Variants in VWA3A observed in about 807,000 individuals in gnomAD.
The protein encoded by VWA3A is von Willebrand factor A domain-containing protein 3A.
VWA3A carries 134 observed loss-of-function variants against 160.4 expected under a neutral mutation model. That is an observed-to-expected ratio of 0.84 (90% CI 0.73 to 0.96). The LOEUF (loss-of-function observed/expected upper bound fraction) is 0.96. Ranked by LOEUF, VWA3A falls within the 40% of genes least tolerant of loss-of-function variation. The probability of loss-of-function intolerance (pLI) is 0.00; values close to 1 mark genes in which losing one functional copy is unlikely to be tolerated. For synonymous variants in VWA3A, 476 were observed against 543.4 expected (o/e 0.88, Z 1.72); for missense variants, 1,310 against 1,447.9 (o/e 0.90, Z 1.55).
In VWA3A at chr16:22,119,038, C is replaced by G; in HGVS notation, c.1116+11C>G. On this transcript the variant is annotated intron_variant, in intron 12 of 33. Coordinates refer to ENST00000389398, the MANE Select transcript of VWA3A (RefSeq NM_173615.5). ...TGCACCATGGAGGAGGTAGGTGGTG[C>G]GAGTGTCAATTCTGGGGCCTTCTCC... 6.2e-7 allele frequency: 1 copy of G among 1,600,392 alleles called. No homozygotes were observed. The highest frequency in any genetic ancestry group is 8.5e-7 in the Non-Finnish European group (1 of 1,173,472).
At chr16:22,107,202 C>T (rs2045494499) in intron 6 of VWA3A, among the ~76,000 whole-genome samples, 1 of 152,176 alleles carries the variant, frequency 6.6e-6, no homozygotes, top group African/African-American at 2.4e-5. Flanking sequence ...TGGTTCTCCA[C>T]CAGGGGTGAT....
At chr16:22,155,752 A>G in intron 32 of VWA3A, 88 bp downstream of exon 32, 1 of 1,600,736 alleles carries the variant, frequency 6.2e-7, no homozygotes. Context: ...CGCACCCATG[A>G]TGGTACCCTT....
intron 4 of VWA3A, 49 bp downstream of exon 4, chr16:22,100,367 G>GCAAC (rs2045389915): frequency 6.4e-7 from 1 of 1,551,518 alleles, no homozygotes; most frequent in African/African-American, 1.4e-5. Flanking sequence ...AGTGACACAT[G>GCAAC]CAACCCCCTG....
Position 22,149,950 on chromosome 16 carries a change from C to G in VWA3A, c.3129+19C>G, listed in dbSNP as rs1368470179. On this transcript the variant is annotated intron_variant, in intron 29 of 33. Transcript: ENST00000389398. Reference sequence around the variant, plus strand: ...ATTGCTGGCAAGTCCCACCACGGAGCCCGACCTTGACGCAAAACAAATACC... The same window carrying G: ...ATTGCTGGCAAGTCCCACCACGGAGGCCGACCTTGACGCAAAACAAATACC... The G allele has an allele frequency of 4.4e-6, 7 of 1,589,598 alleles. 1 individual carries two copies. The South Asian group carries it at 7.9e-5, about 18-fold the overall frequency.
intron 6 of VWA3A, among the ~76,000 whole-genome samples, chr16:22,106,245 C>T (rs1598050226): frequency 6.6e-6 from 1 of 151,842 alleles, no homozygotes; most frequent in South Asian, 2.1e-4. Context: ...ATTAGCCAGG[C>T]GTGGTGATGG....
At position 22,156,069 on chromosome 16, in the gene VWA3A, C is replaced by T; in HGVS notation, c.*52C>T. 1 of 805,208 alleles carries T rather than the reference C, an allele frequency of 1.2e-6. No homozygotes were observed. Among genetic ancestry groups the T allele is most frequent in the South Asian group, 1.8e-5 (1 of 54,772 alleles). 49.9% of individuals were successfully genotyped at this position (805,208 alleles called of 1,614,324 possible). A position where few individuals can be genotyped will look rare whatever the true frequency, so the allele number is the denominator to read the frequency against. ...GCAAAGGACCACTCACTGAGCAAAT[C>T]TCAGCCCCGAGGGCAGGATGGGATG... On this transcript the variant is annotated 3_prime_UTR_variant, in exon 34 of 34. Transcript: ENST00000389398.
At chr16:22,154,593 C>A (rs796143775) in intron 31 of VWA3A, among the ~76,000 whole-genome samples, 4 of 151,870 alleles carry the variant, frequency 2.6e-5, no homozygotes, top group South Asian at 2.1e-4. Flanking sequence ...CCACCCAAAG[C>A]GCTGGGATTG....
In VWA3A at chr16:22,150,853, A is replaced by C. The variant is rs959776443; in HGVS notation, c.3281+7A>C. On this transcript the variant is annotated splice_region_variant and intron_variant, in intron 30 of 33. Coordinates refer to ENST00000389398, the MANE Select transcript of VWA3A (RefSeq NM_173615.5). Reference sequence around the variant, plus strand: ...CCTTGAACTGCTCAGACAGGTGCGCAATATGGAGTCTGACTGAGTTTTATT... The same window carrying C: ...CCTTGAACTGCTCAGACAGGTGCGCCATATGGAGTCTGACTGAGTTTTATT... The C allele has an allele frequency of 3.1e-6, 5 of 1,611,190 alleles. No individual in the cohort carries two copies. In the African/African-American group the frequency reaches 6.7e-5, roughly 22 times the overall value.
chr16:22,153,738 A>ATTTTT (rs66519465), intron 31 of VWA3A, among the ~76,000 whole-genome samples: 8 of 132,558 alleles, frequency 6.0e-5, no homozygotes, highest in African/African-American at 8.5e-5. Flanking sequence ...ACATGGCATA[A>ATTTTT]TTTTTTTTTT....
chr16:22,102,845 G>C (rs1306514920), intron 5 of VWA3A, among the ~76,000 whole-genome samples: 2 of 152,134 alleles, frequency 1.3e-5, no homozygotes, highest in Non-Finnish European at 2.9e-5. Flanking sequence ...ACCGGGCAGA[G>C]TGAGCACAGA....
At chr16:22,123,244 CACCAAGCCATTG>C in intron 15 of VWA3A, 79 bp downstream of exon 15, 23 of 1,366,832 alleles carry the variant, frequency 1.7e-5, no homozygotes, top group Non-Finnish European at 2.2e-5. Flanking sequence ...GCTATGAAGT[CACCAAGCCATTG>C]ACTCAACTCC....
chr16:22,136,656 T>A (rs1157381656), intron 21 of VWA3A, among the ~76,000 whole-genome samples: 1 of 152,032 alleles, frequency 6.6e-6, no homozygotes, highest in Admixed American at 6.6e-5. Context: ...TATTCCTCTG[T>A]GGCCACTGGA....
intron 8 of VWA3A, among the ~76,000 whole-genome samples, chr16:22,111,324 C>T (rs2045549357): frequency 6.6e-6 from 1 of 151,868 alleles, no homozygotes. Context: ...ATGAGTCTCC[C>T]TCTTTTTTTT....
chr16:22,117,114 G>T lies in VWA3A; in HGVS notation c.928G>T (p.Val310Phe), dbSNP rs750124980. Reference protein sequence around the residue: ...YRCDDQMPPAVLKNLAEAVRG... With the variant: ...YRCDDQMPPAFLKNLAEAVRG... ...GACCCTGGCCTCATCCCTGCAGGCT[G>T]TCCTGAAGAACCTTGCAGAAGCTGT... Residue 310 changes from valine (V) to phenylalanine (F), a missense_variant, in exon 11 of 34, where the codon GTC becomes TTC. Coordinates refer to ENST00000389398, the MANE Select transcript of VWA3A (RefSeq NM_173615.5). The T allele has an allele frequency of 2.0e-5, 31 of 1,580,652 alleles. No individual in the cohort carries two copies. Among genetic ancestry groups the T allele is most frequent in the Non-Finnish European group, 2.7e-5 (31 of 1,163,022 alleles).
chr16:22,101,914 T>C (rs566234891), intron 5 of VWA3A, among the ~76,000 whole-genome samples: 1 of 152,366 alleles, frequency 6.6e-6, no homozygotes, highest in Admixed American at 6.5e-5. Context: ...AATTGACTTT[T>C]AGCAAATTGA....
chr16:22,150,782 G>A lies in VWA3A; in HGVS notation c.3217G>A (p.Val1073Ile). The change falls in exon 30 of 34, where the codon GTC (valine) becomes ATC (isoleucine). Residue 1073 changes from valine (V) to isoleucine (I), a missense_variant. Transcript: ENST00000389398. ...DTSCSLVLNE[V>I]QKLREKRDVK... ...AAGCTGCAGCCTTGTCCTAAATGAA[G>A]TCCAAAAACTCAGGGAGAAAAGAGA... The A allele has an allele frequency of 6.2e-7, 1 of 1,613,422 alleles. No individual in the cohort carries two copies. Among genetic ancestry groups the A allele is most frequent in the Non-Finnish European group, 8.5e-7 (1 of 1,179,684 alleles).
intron 3 of VWA3A, 89 bp downstream of exon 3, chr16:22,097,784 C>T: frequency 6.7e-7 from 1 of 1,498,410 alleles, no homozygotes; most frequent in Admixed American, 2.1e-5. Context: ...TTTCTTCCTT[C>T]TCATAGGATT....
At position 22,120,991 on chromosome 16, in the gene VWA3A, G is replaced by C; in HGVS notation, c.1140G>C (p.Gly380=). The C allele has an allele frequency of 2.5e-6, 4 of 1,613,936 alleles. No individual in the cohort carries two copies. The highest frequency in any genetic ancestry group is 3.4e-6 in the Non-Finnish European group (4 of 1,179,882). Reference sequence around the variant, plus strand: ...AGATTTCCACAGAGATTACAAATGGGCCACTCATAAGCCTCTTGCCTAAAC... The same window carrying C: ...AGATTTCCACAGAGATTACAAATGGCCCACTCATAAGCCTCTTGCCTAAAC... ...MEEISTEITN[G]PLISLLPKPP... is the part of the protein sequence containing the mutation. Residue 380 remains glycine (G), a synonymous_variant, in exon 13 of 34, where the codon GGG becomes GGC. Coordinates refer to ENST00000389398, the MANE Select transcript of VWA3A (RefSeq NM_173615.5).
chr16:22,125,167 C>T (rs1488357771), intron 16 of VWA3A, among the ~76,000 whole-genome samples: 2 of 148,104 alleles, frequency 1.4e-5, no homozygotes, highest in Non-Finnish European at 3.0e-5. Flanking sequence ...CACTTGAGGC[C>T]AGGAGTTCAA....
Sources: gnomAD v4.1 joint callset for allele counts (sites outside exome capture counted in the v4.1 genomes callset) on GRCh38, gnomAD v4.1.1 for gene constraint, MANE v1.5 for transcripts, NCBI Gene and HGNC (gene_info 2026-07-23, HGNC 2026-07-21) for gene names.